The following XXYLT1 variants were observed in gnomAD, a reference collection of about 807,000 sequenced individuals.
XXYLT1 encodes the protein xyloside xylosyltransferase 1.
A neutral mutation model predicts 28.9 loss-of-function variants in XXYLT1; 20 were observed. The ratio of observed to expected loss-of-function variants is 0.69; its 90% CI spans 0.49 to 1.00. The LOEUF is 1.00. XXYLT1 is among the 50% of genes least tolerant of loss of function. XXYLT1 has a pLI of 0.00. For missense variants in XXYLT1, 542 were observed against 560.1 expected (o/e 0.97, Z 0.33); for synonymous variants, 257 against 253.8 (o/e 1.01, Z -0.12).
intron 1 of XXYLT1, chr3:195,247,789 G>A (rs1240042117): frequency 1.4e-6 from 1 of 702,646 alleles, no homozygotes; most frequent in South Asian, 1.5e-5. Flanking sequence ...CCTGGCTGGG[G>A]AGGCCTCAGG....
Position 195,209,143 on chromosome 3 carries a change from G to A in XXYLT1, c.652+17566C>T, listed in dbSNP as rs906410656. Among the ~76,000 whole-genome samples, 2 of 152,354 alleles carry A rather than the reference G, an allele frequency of 1.3e-5. No homozygotes were observed. Among genetic ancestry groups the A allele is most frequent in the African/African-American group, 4.8e-5 (2 of 41,590 alleles). ...ATCTCCCAGAGTGTAAGATGCCAGT[G>A]GGGTTAGGACAGGAACCGGCTCACC... is the stretch of plus-strand genomic sequence containing the variant. On this transcript the variant is annotated intron_variant, in intron 2 of 3. Coordinates refer to ENST00000310380, the MANE Select transcript of XXYLT1 (RefSeq NM_152531.5). This position sits in a 1 kb window ranked among gnomAD's most constrained non-coding sequence, Gnocchi z 5.0.
chr3:195,192,460 T>C (rs551622860), intron 2 of XXYLT1, among the ~76,000 whole-genome samples: 19 of 152,140 alleles, frequency 1.2e-4, no homozygotes, highest in African/African-American at 4.6e-4. Flanking sequence ...TTATCAATTC[T>C]TCAAAAAAAT....
chr3:195,072,619 G>A (rs997876196), intron 3 of XXYLT1, among the ~76,000 whole-genome samples: 7 of 152,196 alleles, frequency 4.6e-5, no homozygotes, highest in African/African-American at 1.7e-4. Flanking sequence ...AGAAAGGACT[G>A]GTCTGGGCAT....
rs1719029429 is a variant in XXYLT1 at position 195,133,852 on chromosome 3, A to C, written c.785+22597T>G. ...TGTGTTTGGCTTGTTTTTAACAAAA[A>C]AGTTTTAAAAAATTAAAAACTTACA... is the stretch of plus-strand genomic sequence containing the variant. On this transcript the variant is annotated intron_variant, in intron 3 of 3. Transcript: ENST00000310380. This position sits in a 1 kb window ranked among gnomAD's most constrained non-coding sequence, Gnocchi z 4.4. 6.6e-6 allele frequency among the ~76,000 whole-genome samples: 1 copy of C among 152,238 alleles called. No individual in the cohort carries two copies. Among genetic ancestry groups the C allele is most frequent in the Non-Finnish European group, 1.5e-5 (1 of 68,040 alleles).
Position 195,255,186 on chromosome 3 carries a change from C to G in XXYLT1, c.504+15369G>C, listed in dbSNP as rs1173788692. Among the ~76,000 whole-genome samples, 1 of 152,232 alleles carries G rather than the reference C, an allele frequency of 6.6e-6. No homozygotes were observed. The highest frequency in any genetic ancestry group is 1.5e-5 in the Non-Finnish European group (1 of 68,046). ...GCAAGGAGCTTCAGTCGGACTAAACCAGCAGAAAAGGCGGTTTCCGAGTAC... is the reference window on the plus strand; with the variant it reads ...GCAAGGAGCTTCAGTCGGACTAAACGAGCAGAAAAGGCGGTTTCCGAGTAC... On this transcript the variant is annotated intron_variant, in intron 1 of 3. Transcript: ENST00000310380. This position sits in a 1 kb window ranked among gnomAD's most constrained non-coding sequence, Gnocchi z 4.5.
chr3:195,125,292 C>T (rs1192401828), intron 3 of XXYLT1, among the ~76,000 whole-genome samples: 2 of 152,246 alleles, frequency 1.3e-5, no homozygotes, highest in East Asian at 1.9e-4. Context: ...CTCTACTCCT[C>T]GACCTTCGAC....
At chr3:195,171,920 T>G (rs1409100674) in intron 2 of XXYLT1, among the ~76,000 whole-genome samples, 1 of 152,226 alleles carries the variant, frequency 6.6e-6, no homozygotes, top group Non-Finnish European at 1.5e-5. Flanking sequence ...GATGGAAGAT[T>G]TGAACAATCT....
rs991864892 is a variant in XXYLT1, at chr3:195,076,073, C to T, written c.786-5962G>A. On this transcript the variant is annotated intron_variant, in intron 3 of 3. Coordinates refer to ENST00000310380, the MANE Select transcript of XXYLT1 (RefSeq NM_152531.5). The surrounding 1 kb of genome is among the most constrained non-coding windows in gnomAD (Gnocchi z 5.3). ...CAGAAAGAACCAGCACCACGGCCTC[C>T]GCCTCCTGGAGCCTCTCCCCGCACG... 1.3e-5 allele frequency among the ~76,000 whole-genome samples: 2 copies of T among 152,218 alleles called. No homozygotes were observed. Among genetic ancestry groups the T allele is most frequent in the African/African-American group, 2.4e-5 (1 of 41,452 alleles).
rs1576989732 is a variant in XXYLT1, at chr3:195,069,809, T to C, written c.1088A>G (p.His363Arg). The change falls in exon 4 of 4, where the codon CAT becomes CGT. Residue 363 changes from histidine to arginine, a missense_variant. Physicochemically the swap from His to Arg is conservative, Grantham distance 29. Coordinates refer to ENST00000310380, the MANE Select transcript of XXYLT1 (RefSeq NM_152531.5). ...NRQLCTWWRD[H>R]GYSDVFEAYF... Reference sequence around the variant, plus strand: ...GGCCTCGAAGACGTCACTGTAGCCATGGTCCCTCCACCAGGTGCACAGCTG... The same window carrying C: ...GGCCTCGAAGACGTCACTGTAGCCACGGTCCCTCCACCAGGTGCACAGCTG... The C allele has an allele frequency of 3.1e-6, 5 of 1,614,174 alleles. No homozygotes were observed. Among genetic ancestry groups the C allele is most frequent in the Non-Finnish European group, 4.2e-6 (5 of 1,180,022 alleles).
chr3:195,170,249 T>A (rs992267153), intron 2 of XXYLT1, among the ~76,000 whole-genome samples: 1 of 152,234 alleles, frequency 6.6e-6, no homozygotes, highest in African/African-American at 2.4e-5. Flanking sequence ...CAATTATTTT[T>A]AAAGTATTTT....
At chr3:195,164,865 C>A (rs892447807) in intron 2 of XXYLT1, among the ~76,000 whole-genome samples, 5 of 151,968 alleles carry the variant, frequency 3.3e-5, no homozygotes, top group Admixed American at 3.3e-4. Context: ...TGCTGAAGTG[C>A]AGTTTGGTAA....
At chr3:195,197,084 T>G (rs1722656854) in intron 2 of XXYLT1, among the ~76,000 whole-genome samples, 1 of 152,222 alleles carries the variant, frequency 6.6e-6, no homozygotes, top group Non-Finnish European at 1.5e-5. Flanking sequence ...ATGGCTCAAT[T>G]AGCTTGTAAC....
intron 3 of XXYLT1, 149 bp downstream of exon 3, chr3:195,156,300 T>G: frequency 7.4e-7 from 1 of 1,352,944 alleles, no homozygotes; most frequent in Non-Finnish European, 9.9e-7. Context: ...TACAATCAAC[T>G]GTAAGCAATA....
chr3:195,202,435 C>A (rs988489190), intron 2 of XXYLT1, among the ~76,000 whole-genome samples: 2 of 150,390 alleles, frequency 1.3e-5, no homozygotes, highest in East Asian at 3.9e-4. Context: ...TGACAGTAAC[C>A]TGATAGAATA....
chr3:195,270,252 C>T, intron 1 of XXYLT1: 1 of 567,756 alleles, frequency 1.8e-6, no homozygotes, highest in Middle Eastern at 3.0e-4. Context: ...AGTGCTGAAC[C>T]CTGCAACGTT....
chr3:195,103,412 C>CACGCCAGCGGCCTGCGTCCATCACCT (rs1560095896), intron 3 of XXYLT1, among the ~76,000 whole-genome samples: 5 of 149,420 alleles, frequency 3.3e-5, no homozygotes, highest in African/African-American at 1.3e-4. Context: ...GTCCATCACC[C>CACGCCAGCGGCCTGCGTCCATCACCT]CACGCCAGCG....
intron 2 of XXYLT1, among the ~76,000 whole-genome samples, chr3:195,212,753 C>T (rs375099028): frequency 6.6e-6 from 1 of 152,180 alleles, no homozygotes; most frequent in Non-Finnish European, 1.5e-5. Flanking sequence ...AACCACCCCT[C>T]GGTCCACTGA....
intron 3 of XXYLT1, among the ~76,000 whole-genome samples, chr3:195,142,990 T>A (rs1226041021): frequency 6.6e-6 from 1 of 152,122 alleles, no homozygotes; most frequent in African/African-American, 2.4e-5. Context: ...TCTCAGACAA[T>A]TAAAGTAATT....
intron 2 of XXYLT1, among the ~76,000 whole-genome samples, chr3:195,165,743 A>G (rs1442486474): frequency 6.6e-6 from 1 of 152,086 alleles, no homozygotes; most frequent in African/African-American, 2.4e-5. Context: ...TTGATACTAC[A>G]TCTTCTAAAA....
Sources: allele counts gnomAD v4.1 joint callset (sites outside exome capture counted in the v4.1 genomes callset), GRCh38; gene constraint gnomAD v4.1.1; non-coding constraint Gnocchi (gnomAD v3.1); transcripts MANE v1.5; gene names NCBI Gene and HGNC (gene_info 2026-07-23, HGNC 2026-07-21).